COBLL1: variants seen among roughly 807,000 people sequenced by gnomAD.
The protein encoded by COBLL1 is cordon-bleu WH2 repeat protein like 1.
In COBLL1, 50 loss-of-function variants were observed where a neutral mutation model predicts 94.8. The ratio of observed to expected loss-of-function variants is 0.53; its 90% CI spans 0.42 to 0.67. The LOEUF (loss-of-function observed/expected upper bound fraction) is 0.67, where lower values mean the gene tolerates loss of function less well. COBLL1 is among the 30% of genes least tolerant of loss of function. COBLL1 has a pLI of 0.00. For missense variants in COBLL1, 1,362 were observed against 1,348.7 expected, an observed-to-expected ratio of 1.01 and a Z score of -0.15; for synonymous variants, 448 against 473.8, an observed-to-expected ratio of 0.95 and a Z score of 0.71.
chr2:164,799,571 C>T (rs568365967), intron 2 of COBLL1, among the ~76,000 whole-genome samples: 2 of 152,058 alleles, frequency 1.3e-5, no homozygotes, highest in Non-Finnish European at 2.9e-5. Context: ...GTCAAAACTC[C>T]AGTGGGATTT....
intron 2 of COBLL1, among the ~76,000 whole-genome samples, chr2:164,779,502 T>C (rs1688635888): frequency 6.6e-6 from 1 of 152,076 alleles, no homozygotes; most frequent in Non-Finnish European, 1.5e-5. Context: ...GAGAATTCCA[T>C]GTAAGCTTCA....
In COBLL1 at chr2:164,805,287, GTCTCTCTC is replaced by G. The variant is rs543005860; in HGVS notation, c.41+35861_41+35868del. On this transcript the variant is annotated intron_variant, in intron 2 of 13. Transcript: ENST00000652658. ...TACTGATATATTATTCTCTCTGTCT[GTCTCTCTC>G]TCTCTCTCTCTCTCTCTCTCTCTCT... 7.4e-3 allele frequency among the ~76,000 whole-genome samples: 252 copies of G among 34,124 alleles called. 21 individuals are homozygous for G. The highest frequency in any genetic ancestry group is 0.012 in the Admixed American group (25 of 2,002). The allele number at this position is 34,124 out of a possible 152,430, so 22.4% of individuals were successfully genotyped here. A position where few individuals can be genotyped will look rare whatever the true frequency, so the allele number is the denominator to read the frequency against.
At chr2:164,741,475 A>G (rs1326182142) in intron 3 of COBLL1, among the ~76,000 whole-genome samples, 1 of 151,688 alleles carries the variant, frequency 6.6e-6, no homozygotes, top group African/African-American at 2.4e-5. Flanking sequence ...GATTAATCTG[A>G]GGGTGCAAGG....
Position 164,730,000 on chromosome 2 carries a change from T to A in COBLL1, c.346A>T (p.Thr116Ser). 1 of 1,614,090 alleles carries A rather than the reference T, an allele frequency of 6.2e-7. No homozygotes were observed. Among genetic ancestry groups the A allele is most frequent in the Non-Finnish European group, 8.5e-7 (1 of 1,179,984 alleles). Residue 116 changes from threonine (T) to serine (S), a missense_variant, in exon 4 of 14, where the codon ACA (threonine) becomes TCA (serine). Coordinates refer to ENST00000652658, the MANE Select transcript of COBLL1 (RefSeq NM_001365672.2). ...EQNHIKFKPN[T>S]PIGMLEVEKV... ...TCTACCTCCAACATTCCTATTGGTG[T>A]GTTTGGCTTAAATTTAATGTGGTTC...
intron 13 of COBLL1, chr2:164,687,213 C>CTTTTTTTTTTTTTTTTTTTTTTTTTTTT (rs879090827): frequency 1.6e-5 from 5 of 317,720 alleles, no homozygotes; most frequent in African/African-American, 1.2e-4. Flanking sequence ...GACTTTCTTT[C>CTTTTTTTTTTTTTTTTTTTTTTTTTTTT]TTTTTTTTTT....
chr2:164,692,613 A>G (rs1310520202), intron 12 of COBLL1: 1 of 427,126 alleles, frequency 2.3e-6, no homozygotes, highest in African/African-American at 2.1e-5. Flanking sequence ...CAGGAAGCCA[A>G]AGAAGAAAAG....
intron 2 of COBLL1, among the ~76,000 whole-genome samples, chr2:164,757,678 G>A (rs2105606515): frequency 6.6e-6 from 1 of 152,090 alleles, no homozygotes; most frequent in East Asian, 1.9e-4. Context: ...CAGGCGTGGT[G>A]GTTCATGTCT....
intron 2 of COBLL1, among the ~76,000 whole-genome samples, chr2:164,786,412 G>A (rs749198153): frequency 2.0e-5 from 3 of 152,176 alleles, no homozygotes; most frequent in South Asian, 2.1e-4. Context: ...GAGGAGGTGA[G>A]CGTTGACATG....
chr2:164,827,966 A>G (rs1369628711), intron 2 of COBLL1, among the ~76,000 whole-genome samples: 2 of 152,208 alleles, frequency 1.3e-5, no homozygotes, highest in African/African-American at 2.4e-5. Flanking sequence ...ATACTATGGC[A>G]GGGAATAATC....
At chr2:164,773,814 T>C (rs1180964567) in intron 2 of COBLL1, 3 of 1,212,102 alleles carry the variant, frequency 2.5e-6, no homozygotes, top group South Asian at 1.5e-5. Flanking sequence ...CTGTTTATCA[T>C]GTATGTGTAA....
intron 3 of COBLL1, among the ~76,000 whole-genome samples, chr2:164,735,548 A>G (rs1459863478): frequency 6.6e-6 from 1 of 151,906 alleles, no homozygotes. Flanking sequence ...CTGACTGTCT[A>G]GCTTTACCAT....
intron 2 of COBLL1, among the ~76,000 whole-genome samples, chr2:164,749,929 G>A (rs528763321): frequency 6.6e-6 from 1 of 152,184 alleles, no homozygotes; most frequent in South Asian, 2.1e-4. Context: ...TCTTCCCTTG[G>A]CTTCTTCATG....
chr2:164,716,156 A>G (rs549531628), intron 7 of COBLL1, among the ~76,000 whole-genome samples: 5 of 152,320 alleles, frequency 3.3e-5, no homozygotes, highest in African/African-American at 1.2e-4. Flanking sequence ...TGCAGAAACT[A>G]GATTTCTGAA....
At chr2:164,764,124 T>C (rs1687825770) in intron 2 of COBLL1, among the ~76,000 whole-genome samples, 1 of 152,180 alleles carries the variant, frequency 6.6e-6, no homozygotes, top group African/African-American at 2.4e-5. Context: ...TCTTGAACTG[T>C]TGGCCTCAAA....
rs574550403 is a variant in COBLL1, at chr2:164,685,231, G to A, written c.*715C>T. The A allele has an allele frequency of 3.0e-4, 45 of 152,140 alleles. No homozygotes were observed. The highest frequency in any genetic ancestry group is 1.0e-3 in the African/African-American group (43 of 41,520). 9.4% of individuals were successfully genotyped at this position (152,140 alleles called of 1,614,324 possible). On this transcript the variant is annotated 3_prime_UTR_variant, in exon 14 of 14. Coordinates refer to ENST00000652658, the MANE Select transcript of COBLL1 (RefSeq NM_001365672.2). ...CTGGCACATAAAATGTGTAATTTCT[G>A]TGTGACAATGTCATAATTATATACA...
intron 2 of COBLL1, among the ~76,000 whole-genome samples, chr2:164,747,568 C>A (rs1173867280): frequency 6.6e-6 from 1 of 152,154 alleles, no homozygotes; most frequent in African/African-American, 2.4e-5. Context: ...ACTGCATCCT[C>A]TATCTCCCAG....
At chr2:164,697,190 T>C (rs1186426901) in intron 11 of COBLL1, 1 of 152,214 alleles carries the variant, frequency 6.6e-6, no homozygotes, top group Non-Finnish European at 1.5e-5. Context: ...TGGCAGTTAA[T>C]ATTCTATATT....
At chr2:164,724,281 C>G (rs961465757) in intron 5 of COBLL1, 6 of 152,128 alleles carry the variant, frequency 3.9e-5, no homozygotes, top group African/African-American at 1.4e-4. Flanking sequence ...TACATGTTTG[C>G]TGATGGAAGT....
intron 2 of COBLL1, among the ~76,000 whole-genome samples, chr2:164,761,686 G>C (rs1388949596): frequency 1.3e-5 from 2 of 151,996 alleles, no homozygotes. Flanking sequence ...AATAAGCATC[G>C]AGGCACTTGA....
Sources: allele counts gnomAD v4.1 joint callset (sites outside exome capture counted in the v4.1 genomes callset), GRCh38; gene constraint gnomAD v4.1.1; transcripts MANE v1.5; gene names NCBI Gene and HGNC (gene_info 2026-07-23, HGNC 2026-07-21).